The following PREP variants were observed in gnomAD, a reference collection of about 807,000 sequenced individuals.
The protein encoded by PREP is prolyl endopeptidase, also known as dJ355L5.1 (prolyl endopeptidase).
Under a neutral mutation model 87.6 loss-of-function variants are expected in PREP, and 29 were observed. That is an observed-to-expected ratio of 0.33 (90% CI 0.25 to 0.45). PREP has a LOEUF of 0.45. Ranked by LOEUF, PREP falls within the 20% of genes least tolerant of loss-of-function variation. The pLI, the probability that PREP is intolerant of heterozygous loss-of-function variation, is 1.00. For missense variants in PREP, 695 were observed against 886.5 expected (o/e 0.78, Z 2.74); for synonymous variants, 337 against 328.6 (o/e 1.03, Z -0.28).
chr6:105,287,004 G>A (rs1770201026), intron 11 of PREP, among the ~76,000 whole-genome samples: 2 of 129,130 alleles, frequency 1.5e-5, no homozygotes, highest in South Asian at 5.1e-4. Flanking sequence ...CCCCACACTC[G>A]AGCATCACTG....
chr6:105,393,450 C>T (rs987467412), intron 2 of PREP, among the ~76,000 whole-genome samples: 16 of 151,958 alleles, frequency 1.1e-4, no homozygotes, highest in Admixed American at 5.9e-4. Flanking sequence ...CTGTCAAGGC[C>T]CATATTGCTA....
At chr6:105,349,559 A>G (rs1223260355) in intron 7 of PREP, among the ~76,000 whole-genome samples, 3 of 152,212 alleles carry the variant, frequency 2.0e-5, no homozygotes, top group South Asian at 2.1e-4. Context: ...GCAACGTGAC[A>G]TGAGCCACCC....
rs754446609 is a variant in PREP, at chr6:105,288,890, A to G, written c.1322T>C (p.Phe441Ser). 30 of 1,611,890 alleles carry G rather than the reference A, an allele frequency of 1.9e-5. No homozygotes were observed. Among genetic ancestry groups the G allele is most frequent in the Non-Finnish European group, 2.5e-5 (29 of 1,178,168 alleles). Residue 441 changes from phenylalanine (F) to serine (S), a missense_variant, in exon 11 of 15, where the codon TTC becomes TCC. Coordinates refer to ENST00000652536, the MANE Select transcript of PREP (RefSeq NM_002726.5). Reference sequence around the variant, plus strand: ...CTTCGTACCATCCTTGCTAGGGTAGAAAATCTAGAATATAAGAAAGCAGAA... The same window carrying G: ...CTTCGTACCATCCTTGCTAGGGTAGGAAATCTAGAATATAAGAAAGCAGAA... ...DASDYQTVQI[F>S]YPSKDGTKIP... is the part of the protein sequence containing the mutation.
chr6:105,295,070 T>C (rs1770377912), intron 10 of PREP, among the ~76,000 whole-genome samples: 1 of 152,226 alleles, frequency 6.6e-6, no homozygotes, highest in Non-Finnish European at 1.5e-5. Flanking sequence ...AGCTGGGCTC[T>C]GAACTTAGGT....
Position 105,330,236 on chromosome 6 carries a change from C to T in PREP, c.1016-1210G>A, listed in dbSNP as rs146525533. Among the ~76,000 whole-genome samples the T allele has an allele frequency of 9.2e-5, 14 of 152,174 alleles. No individual in the cohort carries two copies. The East Asian group carries it at 2.3e-3, about 25-fold the overall frequency. The stretch of plus-strand genomic sequence containing the variant: ...AAAGATGGCATTAATAAAGGATGCA[C>T]GTGTCTAACAGCTGAATGCAGAACA... On this transcript the variant is annotated intron_variant, in intron 8 of 14. Transcript: ENST00000652536.
chr6:105,343,661 G>T (rs988615031), intron 7 of PREP, among the ~76,000 whole-genome samples: 2 of 145,772 alleles, frequency 1.4e-5, no homozygotes, highest in Non-Finnish European at 1.5e-5. Flanking sequence ...AATCTACAAA[G>T]AACTTAAATT....
chr6:105,287,677 C>T (rs140993706), intron 11 of PREP, among the ~76,000 whole-genome samples: 1 of 152,260 alleles, frequency 6.6e-6, no homozygotes. Flanking sequence ...TCCTGGTAGT[C>T]ACCAGTCCAT....
intron 7 of PREP, among the ~76,000 whole-genome samples, chr6:105,352,026 A>G (rs1771969779): frequency 6.6e-6 from 1 of 152,222 alleles, no homozygotes; most frequent in Non-Finnish European, 1.5e-5. Context: ...CGCGATGCTC[A>G]ATCAGACAAA....
At chr6:105,363,346 T>C in intron 6 of PREP, among the ~76,000 whole-genome samples, 1 of 152,230 alleles carries the variant, frequency 6.6e-6, no homozygotes, top group South Asian at 2.1e-4. Context: ...TAGGATTTTT[T>C]TTCTCCCCAG....
intron 2 of PREP, among the ~76,000 whole-genome samples, chr6:105,386,402 A>G (rs1772995773): frequency 1.3e-5 from 2 of 152,120 alleles, no homozygotes; most frequent in African/African-American, 4.8e-5. Context: ...CACAGACAAG[A>G]GCGCAAGTAG....
At chr6:105,376,491 G>C (rs1024288614) in intron 3 of PREP, among the ~76,000 whole-genome samples, 2 of 152,164 alleles carry the variant, frequency 1.3e-5, no homozygotes, top group Non-Finnish European at 2.9e-5. Flanking sequence ...CTGCACATTA[G>C]CCGAGTAGAG....
rs559843265 is a variant in PREP at position 105,285,901 on chromosome 6, G to A, written c.1455-321C>T. On this transcript the variant is annotated intron_variant, in intron 11 of 14. Coordinates refer to ENST00000652536, the MANE Select transcript of PREP (RefSeq NM_002726.5). ...AGTGATCCTTCTGCCTCAGCCTCCT[G>A]AGTAGCTGGAATTACAGGTGTGCGC... 5.9e-5 allele frequency among the ~76,000 whole-genome samples: 9 copies of A among 152,234 alleles called. No homozygotes were observed. The East Asian group carries it at 1.7e-3, about 29-fold the overall frequency.
chr6:105,349,789 C>G (rs1190623289), intron 7 of PREP, among the ~76,000 whole-genome samples: 1 of 149,256 alleles, frequency 6.7e-6, no homozygotes, highest in Non-Finnish European at 1.5e-5. Flanking sequence ...ACCAGTTGTT[C>G]AGGTCTAAGT....
In PREP at chr6:105,347,043, A is replaced by G. The variant is rs561037550; in HGVS notation, c.823+5929T>C. On this transcript the variant is annotated intron_variant, in intron 7 of 14. Coordinates refer to ENST00000652536, the MANE Select transcript of PREP (RefSeq NM_002726.5). Reference sequence around the variant, plus strand: ...TGAACCCAGGAGGCGGAAGGTGCAGAAAAAAAAAATGTATTCAGAACAGGG... The same window carrying G: ...TGAACCCAGGAGGCGGAAGGTGCAGGAAAAAAAAATGTATTCAGAACAGGG... Among the ~76,000 whole-genome samples, 12 of 135,512 alleles carry G rather than the reference A, an allele frequency of 8.9e-5. 1 individual carries two copies. In the South Asian group the frequency reaches 1.5e-3, roughly 17 times the overall value. The allele number at this position is 135,512 out of a possible 152,430, so 88.9% of individuals were successfully genotyped here. A position where few individuals can be genotyped will look rare whatever the true frequency, so the allele number is the denominator to read the frequency against.
chr6:105,309,684 G>C (rs79453302), intron 10 of PREP, among the ~76,000 whole-genome samples: 2,293 of 152,198 alleles, frequency 0.015, 46 homozygotes, highest in African/African-American at 0.053. Flanking sequence ...GCAAGGAGCT[G>C]GTGCTTGGAT....
At position 105,279,690 on chromosome 6, in the gene PREP, G is replaced by A. The variant is rs182171191; in HGVS notation, c.1839-1252C>T. Among the ~76,000 whole-genome samples, 7 of 152,310 alleles carry A rather than the reference G, an allele frequency of 4.6e-5. No homozygotes were observed. In the East Asian group the frequency reaches 1.4e-3, roughly 29 times the overall value. On this transcript the variant is annotated intron_variant, in intron 14 of 14. Transcript: ENST00000652536. ...CCCTGTAGGACCCTTCCTAGCTAGTGTGGGCTGAGTTCCATGCTCATTTTA... is the reference window on the plus strand; with the variant it reads ...CCCTGTAGGACCCTTCCTAGCTAGTATGGGCTGAGTTCCATGCTCATTTTA...
intron 4 of PREP, 120 bp from the exon 5 acceptor site, chr6:105,373,698 T>A: frequency 9.7e-7 from 1 of 1,032,106 alleles, no homozygotes; most frequent in Non-Finnish European, 1.4e-6. Flanking sequence ...ATAAAAGGAA[T>A]AGGAATCTGG....
At position 105,373,434 on chromosome 6, in the gene PREP, G is replaced by A. The variant is rs1772608451; in HGVS notation, c.530C>T (p.Ala177Val). 6.2e-7 allele frequency: 1 copy of A among 1,614,162 alleles called. No individual in the cohort carries two copies. The highest frequency in any genetic ancestry group is 8.5e-7 in the Non-Finnish European group (1 of 1,180,028). ...VLERVKFSCM[A>V]WTHDGKGMFY... ...CATTCCCTTCCCATCATGGGTCCAG[G>A]CCATACAGCTGAACTTGACTCTTTC... Residue 177 changes from alanine (A) to valine (V), a missense_variant, in exon 5 of 15, where the codon GCC becomes GTC. Transcript: ENST00000652536.
At chr6:105,350,001 A>G (rs921849031) in intron 7 of PREP, among the ~76,000 whole-genome samples, 2 of 151,876 alleles carry the variant, frequency 1.3e-5, no homozygotes, top group African/African-American at 2.4e-5. Flanking sequence ...CAACCTGCAC[A>G]ATTAGACATG....
Sources: gnomAD v4.1 joint callset for allele counts (sites outside exome capture counted in the v4.1 genomes callset) on GRCh38, gnomAD v4.1.1 for gene constraint, MANE v1.5 for transcripts, NCBI Gene and HGNC (gene_info 2026-07-23, HGNC 2026-07-21) for gene names.